Variants in SLC1A6 observed in about 807,000 individuals in gnomAD.
The protein encoded by SLC1A6 is excitatory amino acid transporter 4.
SLC1A6 carries 15 observed loss-of-function variants against 42.1 expected under a neutral mutation model. The ratio of observed to expected loss-of-function variants is 0.36; its 90% CI spans 0.24 to 0.55. SLC1A6 has a LOEUF of 0.55. Among genes scored for constraint, SLC1A6 ranks in the 20% least tolerant of loss-of-function variants. The probability of loss-of-function intolerance (pLI) is 0.88; values close to 1 mark genes in which losing one functional copy is unlikely to be tolerated. For missense variants in SLC1A6, 542 were observed against 772.5 expected, an observed-to-expected ratio of 0.70 and a Z score of 3.54; for synonymous variants, 317 against 319.7, an observed-to-expected ratio of 0.99 and a Z score of 0.09.
At chr19:15,010,248 G>A (rs138260558) in intron 1 of SLC1A6, among the ~76,000 whole-genome samples, 1 of 132,374 alleles carries the variant, frequency 7.6e-6, no homozygotes, top group Admixed American at 7.3e-5. Context: ...AAAAGAAAAC[G>A]TAAGACTAAA....
intron 3 of SLC1A6, among the ~76,000 whole-genome samples, chr19:14,968,838 C>T (rs1219615408): frequency 1.5e-5 from 2 of 136,070 alleles, no homozygotes; most frequent in Admixed American, 7.8e-5. Context: ...TTGTTTTGCA[C>T]CATAACCTAA....
chr19:14,955,430 C>CA (rs1405723928), intron 7 of SLC1A6, among the ~76,000 whole-genome samples: 2 of 148,848 alleles, frequency 1.3e-5, no homozygotes, highest in South Asian at 2.1e-4. Flanking sequence ...AAAACAACAA[C>CA]AACAACAAAA....
chr19:15,008,962 C>T (rs34370357), intron 1 of SLC1A6, among the ~76,000 whole-genome samples: 1 of 151,204 alleles, frequency 6.6e-6, no homozygotes, highest in Non-Finnish European at 1.5e-5. Flanking sequence ...TGCCACTGCA[C>T]TTCAGCCTGG....
chr19:14,965,042 T>A (rs974047444), intron 4 of SLC1A6, among the ~76,000 whole-genome samples: 7 of 150,968 alleles, frequency 4.6e-5, no homozygotes, highest in African/African-American at 1.7e-4. Flanking sequence ...TTTTTTTAGA[T>A]GGAGTCTTGC....
intron 1 of SLC1A6, chr19:15,010,339 G>C: frequency 6.6e-6 from 2 of 302,798 alleles, no homozygotes; most frequent in South Asian, 5.2e-5. Context: ...AGCCATGGGA[G>C]TATTCTACCT....
upstream of SLC1A6, among the ~76,000 whole-genome samples, chr19:14,982,358 C>T (rs183459253): frequency 4.8e-3 from 727 of 152,104 alleles, 26 homozygotes; most frequent in Admixed American, 0.044. Flanking sequence ...GGTGAAACCC[C>T]GTATCTACTA....
At chr19:14,954,445 G>A (rs1431607117) in intron 7 of SLC1A6, 116 bp from the exon 8 acceptor site, 1 of 910,264 alleles carries the variant, frequency 1.1e-6, no homozygotes, top group African/African-American at 1.6e-5. Flanking sequence ...AAGAAAGGCT[G>A]GGGAACAGGG....
At chr19:15,007,553 CA>C (rs35497972) in intron 1 of SLC1A6, among the ~76,000 whole-genome samples, 10 of 151,104 alleles carry the variant, frequency 6.6e-5, no homozygotes, top group African/African-American at 1.9e-4. Flanking sequence ...TTTCATCTCA[CA>C]AAAAAAAATC....
chr19:14,991,408 A>T (rs2045819296), intron 1 of SLC1A6, among the ~76,000 whole-genome samples: 1 of 152,120 alleles, frequency 6.6e-6, no homozygotes, highest in Non-Finnish European at 1.5e-5. Flanking sequence ...ATAGATCACT[A>T]GAGGTCAGGA....
chr19:14,985,742 C>T (rs750469493), intron 1 of SLC1A6, among the ~76,000 whole-genome samples: 2 of 152,206 alleles, frequency 1.3e-5, no homozygotes, highest in African/African-American at 2.4e-5. Flanking sequence ...GAGGGAGGAT[C>T]GTTTGAGGCC....
intron 1 of SLC1A6, among the ~76,000 whole-genome samples, chr19:15,006,547 C>T (rs1268610566): frequency 6.6e-6 from 1 of 151,666 alleles, no homozygotes; most frequent in Non-Finnish European, 1.5e-5. Context: ...ATTCCCCCCA[C>T]CCCCCATTAC....
At chr19:14,963,524 C>T (rs2145183619) in intron 5 of SLC1A6, among the ~76,000 whole-genome samples, 1 of 152,290 alleles carries the variant, frequency 6.6e-6, no homozygotes, top group South Asian at 2.1e-4. Context: ...AGCCACTCCA[C>T]AATGCAGACA....
chr19:14,954,369 T>C, intron 7 of SLC1A6, 40 bp from the exon 8 acceptor site: 1 of 1,577,732 alleles, frequency 6.3e-7, no homozygotes, highest in Non-Finnish European at 8.6e-7. Flanking sequence ...GGGCGTGGCC[T>C]GGTGGGGGCG....
At chr19:14,975,217 T>C (rs1487773611) in intron 1 of SLC1A6, 1 of 20,732 alleles carries the variant, frequency 4.8e-5, no homozygotes, top group Non-Finnish European at 9.2e-5. Context: ...AAGAATGAGT[T>C]CTGGTGTTCT....
rs370481888 is a variant in SLC1A6, at chr19:14,950,338, C to T, written c.1552G>A (p.Val518Ile). The change falls in exon 10 of 10, where the codon GTC becomes ATC. Residue 518 changes from valine (V) to isoleucine (I), a missense_variant. Coordinates refer to ENST00000594383, the MANE Select transcript of SLC1A6 (RefSeq NM_005071.3). ...TCCCGCTGAGACAAGTGCTCGATGA[C>T]GGCCGCTCCAATTGAGTCCCCCAGT... ...NVLGDSIGAA[V>I]IEHLSQRELE... is the part of the protein sequence containing the mutation. The T allele has an allele frequency of 8.8e-5, 141 of 1,609,804 alleles. No individual in the cohort carries two copies. Among genetic ancestry groups the T allele is most frequent in the South Asian group, 3.0e-4 (27 of 90,002 alleles).
intron 6 of SLC1A6, among the ~76,000 whole-genome samples, chr19:14,959,119 G>A (rs184389748): frequency 3.3e-5 from 5 of 152,168 alleles, no homozygotes; most frequent in African/African-American, 9.6e-5. Context: ...TACATTCTAC[G>A]TCCTTGTACT....
Position 14,971,727 on chromosome 19 carries a change from G to A in SLC1A6, c.343+10C>T. On this transcript the variant is annotated intron_variant, in intron 3 of 9. Transcript: ENST00000594383. ...GTCTTGGAGGCCAACACTGGCCTGGGCTCTCTCACCTGTGACCAGGCTGGA... is the reference window on the plus strand; with the variant it reads ...GTCTTGGAGGCCAACACTGGCCTGGACTCTCTCACCTGTGACCAGGCTGGA... The A allele has an allele frequency of 6.2e-7, 1 of 1,613,518 alleles. No homozygotes were observed. Among genetic ancestry groups the A allele is most frequent in the Non-Finnish European group, 8.5e-7 (1 of 1,179,814 alleles).
intron 9 of SLC1A6, 138 bp downstream of exon 9, chr19:14,952,790 C>G: frequency 9.0e-7 from 1 of 1,110,420 alleles, no homozygotes; most frequent in Non-Finnish European, 1.2e-6. Flanking sequence ...GGAGGCCTCT[C>G]CAAGGCCTCC....
intron 1 of SLC1A6, chr19:14,973,470 G>C (rs1000054697): frequency 6.6e-6 from 1 of 152,438 alleles, no homozygotes; most frequent in African/African-American, 2.4e-5. Flanking sequence ...TGGCAGGGGA[G>C]GGGGAAGGTA....
Sources: gnomAD v4.1 joint callset for allele counts (sites outside exome capture counted in the v4.1 genomes callset) on GRCh38, gnomAD v4.1.1 for gene constraint, MANE v1.5 for transcripts, NCBI Gene and HGNC (gene_info 2026-07-23, HGNC 2026-07-21) for gene names.